NONO: variants seen among roughly 807,000 people sequenced by gnomAD.
NONO encodes the protein non-POU domain-containing octamer-binding protein.
A neutral mutation model predicts 40.2 loss-of-function variants in NONO; 6 were observed. The ratio of observed to expected loss-of-function variants is 0.15; its 90% CI spans 0.08 to 0.29. The LOEUF is 0.29. Ranked by LOEUF, NONO falls within the 10% of genes least tolerant of loss-of-function variation. NONO has a pLI of 1.00. For missense variants in NONO, 133 were observed against 397.8 expected (o/e 0.33, Z 5.66); for synonymous variants, 89 against 123.3 (o/e 0.72, Z 1.85).
intron 9 of NONO, 70 bp from the exon 10 acceptor site, chrX:71,298,399 G>A (rs1386199201): frequency 1.1e-6 from 1 of 920,149 alleles, no homozygotes; most frequent in Non-Finnish European, 1.6e-6. Context: ...CCCTTAGTGT[G>A]TGGTCCTTGA....
intron 2 of NONO, among the ~76,000 whole-genome samples, chrX:71,287,854 TC>T (rs1162346932): frequency 1.2e-5 from 1 of 84,188 alleles, no homozygotes; most frequent in Non-Finnish European, 2.3e-5. Flanking sequence ...TGGCCTCCCC[TC>T]CCCCCTACCC....
intron 5 of NONO, among the ~76,000 whole-genome samples, chrX:71,295,626 A>G (rs993072502): frequency 1.8e-5 from 2 of 109,060 alleles, no homozygotes; most frequent in African/African-American, 6.7e-5. Flanking sequence ...CCCCGTCTCT[A>G]CTAAAAATAC....
intron 4 of NONO, 64 bp downstream of exon 4, chrX:71,292,036 G>A (rs2031336874): frequency 2.5e-6 from 2 of 799,758 alleles, no homozygotes; most frequent in Non-Finnish European, 3.5e-6. Context: ...AATAATAGAT[G>A]TGCAAAAATA....
At position 71,300,063 on chromosome X, in the gene NONO, G is replaced by A. The variant is rs763133868; in HGVS notation, c.1403G>A (p.Arg468His). The A allele has an allele frequency of 2.5e-6, 3 of 1,210,696 alleles. No homozygotes were observed. Among genetic ancestry groups the A allele is most frequent in the Non-Finnish European group, 1.1e-6 (1 of 895,147 alleles). The part of the protein sequence containing the change: ...APGAEFAPNK[R>H]RRY ...GGAGCTGAATTTGCCCCAAACAAACGTCGCCGATACTAATAAGTTGCAGTG... is the reference window on the plus strand; with the variant it reads ...GGAGCTGAATTTGCCCCAAACAAACATCGCCGATACTAATAAGTTGCAGTG... The change falls in exon 12 of 12, where the codon CGT (arginine) becomes CAT (histidine). Residue 468 changes from arginine (R) to histidine (H), a missense_variant. Physicochemically the swap from Arg to His is conservative, Grantham distance 29. Transcript: ENST00000276079.
Position 71,298,517 on chromosome X carries a change from T to C in NONO, c.1171+9T>C. 1 of 1,203,683 alleles carries C rather than the reference T, an allele frequency of 8.3e-7. No individual in the cohort carries two copies. ...TCAGATGGCTATGGGAGGTAAGGACTTAGGAGGTTAATGGCTCTGATTTCC... is the reference window on the plus strand; with the variant it reads ...TCAGATGGCTATGGGAGGTAAGGACCTAGGAGGTTAATGGCTCTGATTTCC... On this transcript the variant is annotated intron_variant, in intron 10 of 11. Coordinates refer to ENST00000276079, the MANE Select transcript of NONO (RefSeq NM_007363.5).
At chrX:71,296,488 T>C in intron 5 of NONO, 77 bp from the exon 6 acceptor site, 1 of 652,837 alleles carries the variant, frequency 1.5e-6, no homozygotes, top group Non-Finnish European at 2.3e-6. Flanking sequence ...GCTAATTCAT[T>C]GTGCCAGTGA....
intron 2 of NONO, among the ~76,000 whole-genome samples, chrX:71,286,924 G>T (rs1186424268): frequency 9.0e-6 from 1 of 111,487 alleles, no homozygotes; most frequent in East Asian, 2.8e-4. Flanking sequence ...ACAGAATTTG[G>T]TAATTGCATT....
Position 71,299,990 on chromosome X carries a change from A to G in NONO, c.1330A>G (p.Ile444Val). The G allele has an allele frequency of 8.3e-7, 1 of 1,211,175 alleles. No homozygotes were observed. Among genetic ancestry groups the G allele is most frequent in the Non-Finnish European group, 1.1e-6 (1 of 895,088 alleles). The change falls in exon 12 of 12, where the codon ATT becomes GTT. Residue 444 changes from isoleucine to valine, a missense_variant. Around this residue, in one of 3 missense-constraint regions of NONO, gnomAD observed 73 missense variants for 162.2 expected, o/e 0.45. Coordinates refer to ENST00000276079, the MANE Select transcript of NONO (RefSeq NM_007363.5). The stretch of plus-strand genomic sequence containing the variant: ...TGGTCAGGCTGCTACAATGGAAGGA[A>G]TTGGGGCAATTGGTGGAACTCCTCC... ...RFGQAATMEG[I>V]GAIGGTPPAF...
chrX:71,296,686 A>G, intron 6 of NONO, 26 bp downstream of exon 6: 2 of 1,099,488 alleles, frequency 1.8e-6, no homozygotes, highest in Non-Finnish European at 2.5e-6. Context: ...AGATTTCCCT[A>G]TTAGGTGTTT....
rs1452348194 is a variant in NONO, at chrX:71,300,401, T to TG, written c.*326dup. ...TGATCATTCCGGTTTTTTTTTTTTT[T>TG]GTCCATCTTGTTTCATTTGCTTGCC... On this transcript the variant is annotated 3_prime_UTR_variant, in exon 12 of 12. Transcript: ENST00000276079. 3.5e-5 allele frequency: 10 copies of TG among 287,337 alleles called. No individual in the cohort carries two copies. The highest frequency in any genetic ancestry group is 2.5e-4 in the Admixed American group (4 of 16,310). 23.7% of individuals were successfully genotyped at this position (287,337 alleles called of 1,213,427 possible).
intron 2 of NONO, among the ~76,000 whole-genome samples, chrX:71,288,956 G>C (rs1318162559): frequency 8.9e-6 from 1 of 112,193 alleles, no homozygotes; most frequent in Non-Finnish European, 1.9e-5. Context: ...GCCCATACTA[G>C]TACCACTGTT....
At chrX:71,285,223 A>G (rs1248913639) in intron 2 of NONO, 1 of 112,594 alleles carries the variant, frequency 8.9e-6, no homozygotes, top group Non-Finnish European at 1.9e-5. Flanking sequence ...CCCAAGTAGG[A>G]AAAGATTTGA....
intron 2 of NONO, among the ~76,000 whole-genome samples, chrX:71,286,281 A>G (rs1324686344): frequency 2.7e-5 from 3 of 111,682 alleles, no homozygotes; most frequent in Admixed American, 9.6e-5. Flanking sequence ...GAGGTTTACC[A>G]TCTGCCTCCT....
intron 2 of NONO, among the ~76,000 whole-genome samples, chrX:71,288,397 A>G (rs2031249339): frequency 9.1e-6 from 1 of 110,028 alleles, no homozygotes; most frequent in African/African-American, 3.3e-5. Context: ...CACTGTGCCC[A>G]GCCTATTTAT....
At chrX:71,293,989 A>G (rs1569239727) in intron 4 of NONO, 2 of 391,879 alleles carry the variant, frequency 5.1e-6, no homozygotes, top group East Asian at 4.0e-5. Context: ...TATGAAATTG[A>G]TGATCACCTA....
At position 71,295,018 on chromosome X, in the gene NONO, C is replaced by T. The variant is rs754352535; in HGVS notation, c.650+490C>T. Among the ~76,000 whole-genome samples the T allele has an allele frequency of 3.6e-5, 4 of 111,649 alleles. No homozygotes were observed. The East Asian group carries it at 1.1e-3, about 31-fold the overall frequency. ...AGATCATGAGTTGAGGAGATCAAGA[C>T]CATCCTGGCCAACATGCTGAAAGCC... On this transcript the variant is annotated intron_variant, in intron 5 of 11. Coordinates refer to ENST00000276079, the MANE Select transcript of NONO (RefSeq NM_007363.5).
intron 2 of NONO, among the ~76,000 whole-genome samples, chrX:71,287,333 G>T (rs772522830): frequency 1.8e-5 from 2 of 108,664 alleles, no homozygotes; most frequent in South Asian, 7.9e-4. Context: ...CACCCTCCTC[G>T]GCCTCCCAAA....
At chrX:71,295,408 A>G (rs1259807534) in intron 5 of NONO, among the ~76,000 whole-genome samples, 1 of 108,368 alleles carries the variant, frequency 9.2e-6, no homozygotes, top group East Asian at 2.9e-4. Context: ...AATGGCGTGA[A>G]CCTGGGAGGT....
intron 2 of NONO, chrX:71,285,061 C>T (rs962009680): frequency 1.8e-5 from 2 of 112,297 alleles, no homozygotes; most frequent in Admixed American, 1.9e-4. Context: ...TATTGGTGGT[C>T]ATCAGAAGTA....
Sources: allele counts gnomAD v4.1 joint callset (sites outside exome capture counted in the v4.1 genomes callset), GRCh38; gene constraint gnomAD v4.1.1; regional missense constraint gnomAD v4.1.1; transcripts MANE v1.5; gene names NCBI Gene and HGNC (gene_info 2026-07-23, HGNC 2026-07-21).